Variants in SHISA9 observed in about 807,000 individuals in gnomAD.
The protein encoded by SHISA9 is shisa family member 9.
A neutral mutation model predicts 38.0 loss-of-function variants in SHISA9; 13 were observed. The observed-to-expected ratio is 0.34, with a 90% CI of 0.22 to 0.54. The LOEUF (loss-of-function observed/expected upper bound fraction) is 0.54, where lower values mean the gene tolerates loss of function less well. Among genes scored for constraint, SHISA9 ranks in the 20% least tolerant of loss-of-function variants. The pLI is 0.91. For missense variants in SHISA9, 538 were observed against 575.8 expected (o/e 0.93, Z 0.67); for synonymous variants, 275 against 242.0 (o/e 1.14, Z -1.27).
At chr16:13,393,260 A>G in the SHISA9 span, among the ~76,000 whole-genome samples, 1 of 152,092 alleles carries the variant, frequency 6.6e-6, no homozygotes, top group Admixed American at 6.5e-5. Flanking sequence ...CACAGGGCCC[A>G]CTCCTATTTT....
intron 2 of SHISA9, among the ~76,000 whole-genome samples, chr16:12,933,548 C>T (rs183479826): frequency 2.6e-5 from 4 of 152,304 alleles, no homozygotes; most frequent in African/African-American, 9.6e-5. Context: ...CCTCCTTGGC[C>T]TCCCAAAGTG....
At chr16:13,187,335 T>TTC (rs1567239833) in intron 2 of SHISA9, among the ~76,000 whole-genome samples, 12 of 105,974 alleles carry the variant, frequency 1.1e-4, no homozygotes, top group African/African-American at 1.8e-4. Flanking sequence ...TTTCTTTTTT[T>TTC]TTTTTTTTTT....
At chr16:13,183,335 C>A (rs531851892) in intron 2 of SHISA9, among the ~76,000 whole-genome samples, 14 of 152,380 alleles carry the variant, frequency 9.2e-5, no homozygotes, top group Non-Finnish European at 1.9e-4. Flanking sequence ...AAAGTGTTAA[C>A]ACTATGTATT....
At chr16:12,939,061 C>A (rs1034304782) in intron 2 of SHISA9, among the ~76,000 whole-genome samples, 2 of 152,018 alleles carry the variant, frequency 1.3e-5, no homozygotes, top group Non-Finnish European at 2.9e-5. Flanking sequence ...CTCCTCTCCC[C>A]TCCTCTCCTT....
At position 13,235,062 on chromosome 16, in the gene SHISA9, C is replaced by G; in HGVS notation, c.928C>G (p.Arg310Gly). 6.4e-7 allele frequency: 1 copy of G among 1,551,138 alleles called. No homozygotes were observed. Among genetic ancestry groups the G allele is most frequent in the Non-Finnish European group, 8.7e-7 (1 of 1,146,776 alleles). ...GGTCAATGACGACTTCTACACCAAG[C>G]GACGGCACCTGGCTGAGCTGGCTGC... is the stretch of plus-strand genomic sequence containing the variant. ...DKVNDDFYTK[R>G]RHLAELAAKG... The change falls in exon 5 of 5, where the codon CGA becomes GGA. Residue 310 changes from arginine (R) to glycine (G), a missense_variant. By Grantham distance (125) the Arg-to-Gly change is moderately radical. Around this residue, in one of 4 missense-constraint regions of SHISA9, gnomAD observed 326 missense variants for 305.9 expected, o/e 1.07. Transcript: ENST00000558583.
the SHISA9 span, among the ~76,000 whole-genome samples, chr16:13,479,175 T>C: frequency 6.6e-6 from 1 of 152,176 alleles, no homozygotes; most frequent in Non-Finnish European, 1.5e-5. Flanking sequence ...TCTCGTCCCT[T>C]TCACTGACTC....
chr16:13,406,281 C>T, the SHISA9 span, among the ~76,000 whole-genome samples: 2 of 152,150 alleles, frequency 1.3e-5, no homozygotes, highest in Non-Finnish European at 2.9e-5. Flanking sequence ...TCAGATAGCT[C>T]ACACTCTGTC....
chr16:13,530,092 A>T, the SHISA9 span, among the ~76,000 whole-genome samples: 2 of 152,204 alleles, frequency 1.3e-5, no homozygotes, highest in African/African-American at 4.8e-5. Flanking sequence ...TGAGGTCAGG[A>T]GTTCGAGGCC....
chr16:13,394,052 C>A, the SHISA9 span, among the ~76,000 whole-genome samples: 1 of 152,178 alleles, frequency 6.6e-6, no homozygotes, highest in Non-Finnish European at 1.5e-5. Flanking sequence ...CTTGCCTTGG[C>A]GGATGGAACT....
the SHISA9 span, among the ~76,000 whole-genome samples, chr16:13,507,002 C>A: frequency 2.0e-5 from 3 of 151,850 alleles, no homozygotes; most frequent in Non-Finnish European, 4.4e-5. Flanking sequence ...ATGATTGTAC[C>A]ACTGCACTCC....
chr16:13,401,807 GA>G, the SHISA9 span, among the ~76,000 whole-genome samples: 1 of 152,160 alleles, frequency 6.6e-6, no homozygotes, highest in East Asian at 1.9e-4. Flanking sequence ...AATATATAAA[GA>G]AAAAGAGGTT....
the SHISA9 span, among the ~76,000 whole-genome samples, chr16:13,335,189 T>G: frequency 2.0e-3 from 311 of 152,318 alleles, 4 homozygotes; most frequent in African/African-American, 7.0e-3. Flanking sequence ...AGCCCTATCT[T>G]CAGGCCTAGT....
At chr16:13,027,818 T>C (rs2072941369) in intron 2 of SHISA9, among the ~76,000 whole-genome samples, 1 of 150,688 alleles carries the variant, frequency 6.6e-6, no homozygotes, top group African/African-American at 2.4e-5. Context: ...TCCCAGCTGC[T>C]TGGGAGGCTT....
At chr16:13,348,402 T>C in the SHISA9 span, among the ~76,000 whole-genome samples, 1 of 152,144 alleles carries the variant, frequency 6.6e-6, no homozygotes, top group South Asian at 2.1e-4. Context: ...ATTTCTCACA[T>C]ACTTTTACAT....
the SHISA9 span, among the ~76,000 whole-genome samples, chr16:13,345,031 A>C: frequency 6.6e-6 from 1 of 152,226 alleles, no homozygotes; most frequent in Admixed American, 6.5e-5. Context: ...GTAATTTCAT[A>C]ATTTTTGAAT....
At chr16:13,492,271 C>T in the SHISA9 span, among the ~76,000 whole-genome samples, 1 of 152,124 alleles carries the variant, frequency 6.6e-6, no homozygotes. Context: ...CCTCTGTGTT[C>T]TCACTTAAAT....
chr16:13,019,823 TCTTTCTTTCTTTTTCC>T (rs2072808083), intron 2 of SHISA9, among the ~76,000 whole-genome samples: 8 of 132,952 alleles, frequency 6.0e-5, no homozygotes, highest in Non-Finnish European at 1.3e-4. Flanking sequence ...TTTCTTTCTT[TCTTTCTTTCTTTTTCC>T]TTCCTTCCCT....
At chr16:13,399,698 A>G in the SHISA9 span, among the ~76,000 whole-genome samples, 1 of 152,182 alleles carries the variant, frequency 6.6e-6, no homozygotes, top group East Asian at 1.9e-4. Context: ...AAATGTGGCT[A>G]TGGTCTTCCA....
intron 2 of SHISA9, among the ~76,000 whole-genome samples, chr16:13,115,224 C>T (rs2074020099): frequency 6.6e-6 from 1 of 152,136 alleles, no homozygotes; most frequent in African/African-American, 2.4e-5. Context: ...GAGACCCTAA[C>T]CTATCAGCAC....
Sources: allele counts gnomAD v4.1 joint callset (sites outside exome capture counted in the v4.1 genomes callset), GRCh38; gene constraint gnomAD v4.1.1; regional missense constraint gnomAD v4.1.1; transcripts MANE v1.5; gene names NCBI Gene and HGNC (gene_info 2026-07-23, HGNC 2026-07-21).